The following SAMD4B variants were observed in gnomAD, a reference collection of about 807,000 sequenced individuals.
SAMD4B encodes the protein protein Smaug homolog 2.
In SAMD4B, 5 loss-of-function variants were observed where a neutral mutation model predicts 74.5. The observed-to-expected ratio is 0.07, with a 90% CI of 0.04 to 0.14. The LOEUF is 0.14. Among genes scored for constraint, SAMD4B ranks in the 10% least tolerant of loss-of-function variants. SAMD4B has a pLI of 1.00. For missense variants in SAMD4B, 608 were observed against 921.8 expected (o/e 0.66, Z 4.41); for synonymous variants, 373 against 374.9 (o/e 1.00, Z 0.06).
In SAMD4B at chr19:39,356,971, C is replaced by G. The variant is rs1236480620; in HGVS notation, c.78C>G (p.Leu26=). The G allele has an allele frequency of 1.9e-6, 3 of 1,613,912 alleles. No individual in the cohort carries two copies. The highest frequency in any genetic ancestry group is 2.5e-6 in the Non-Finnish European group (3 of 1,179,980). ...GWNECEQTVA[L]LSLLKRVTRT... Reference sequence around the variant, plus strand: ...ATGAGTGTGAGCAGACAGTGGCCCTCCTGTCACTTCTGAAACGGGTCACCC... The same window carrying G: ...ATGAGTGTGAGCAGACAGTGGCCCTGCTGTCACTTCTGAAACGGGTCACCC... The change falls in exon 3 of 14, where the codon CTC becomes CTG. Residue 26 remains leucine (L), a synonymous_variant. Transcript: ENST00000610417.
intron 4 of SAMD4B, among the ~76,000 whole-genome samples, chr19:39,372,212 T>C (rs2077348589): frequency 6.6e-6 from 1 of 152,102 alleles, no homozygotes. Flanking sequence ...GAGGGGACAG[T>C]ATACAGACAG....
intron 2 of SAMD4B, among the ~76,000 whole-genome samples, chr19:39,356,431 C>G (rs1395051693): frequency 6.6e-6 from 1 of 152,168 alleles, no homozygotes; most frequent in Non-Finnish European, 1.5e-5. Context: ...GACACTATGA[C>G]AGCCAGGTGT....
downstream of SAMD4B, chr19:39,386,508 G>A: frequency 6.2e-7 from 1 of 1,614,088 alleles, no homozygotes. This position sits in a 1 kb window ranked among gnomAD's most constrained non-coding sequence, Gnocchi z 6.1. Context: ...TTTCTCTTCT[G>A]TCTCCATCTC....
downstream of SAMD4B, chr19:39,388,497 T>G: frequency 6.2e-7 from 1 of 1,614,106 alleles, no homozygotes; most frequent in Non-Finnish European, 8.5e-7. Flanking sequence ...TTCAGCCCCA[T>G]TTCTTCCCTA....
chr19:39,365,075 T>C (rs2076874764), intron 3 of SAMD4B, among the ~76,000 whole-genome samples: 1 of 148,936 alleles, frequency 6.7e-6, no homozygotes, highest in South Asian at 2.1e-4. Flanking sequence ...CCATCTCTAC[T>C]AAAAATACAA....
At chr19:39,382,929 A>C (rs186079575) in intron 12 of SAMD4B, among the ~76,000 whole-genome samples, 1 of 151,624 alleles carries the variant, frequency 6.6e-6, no homozygotes, top group Non-Finnish European at 1.5e-5. Flanking sequence ...CAGAGTAGTC[A>C]CAGCAGGCTG....
intron 3 of SAMD4B, among the ~76,000 whole-genome samples, chr19:39,367,490 GT>G (rs370783409): frequency 3.7e-4 from 53 of 141,416 alleles, no homozygotes; most frequent in South Asian, 6.7e-4. Flanking sequence ...TGCTAATGAG[GT>G]TTTTTTTTTC....
In SAMD4B at chr19:39,342,452, C is replaced by CGGCGGCGGCGGCGGT. The variant is rs1224485261; in HGVS notation, c.-388_-374dup. On this transcript the variant is annotated 5_prime_UTR_variant, in exon 1 of 14. Transcript: ENST00000610417. ...CGGTGACGCAGCGCGACGGCGGCGGCGGCGGCGGCGGCGGTGGTCGGTGCG... is the reference window on the plus strand; with the variant it reads ...CGGTGACGCAGCGCGACGGCGGCGGCGGCGGCGGCGGCGGTGGCGGCGGCGGCGGTGGTCGGTGCG... The CGGCGGCGGCGGCGGT allele has an allele frequency of 2.8e-5, 5 of 180,278 alleles. No homozygotes were observed. The highest frequency in any genetic ancestry group is 5.5e-5 in the Non-Finnish European group (5 of 90,560). The allele number at this position is 180,278 out of a possible 1,614,324, so 11.2% of individuals were successfully genotyped here.
chr19:39,342,799 C>T (rs965595172), intron 1 of SAMD4B, among the ~76,000 whole-genome samples: 4 of 151,798 alleles, frequency 2.6e-5, no homozygotes, highest in Admixed American at 6.6e-5. Flanking sequence ...GCCGAAGCTT[C>T]CCTCCGAAAT....
rs1600530181 is a variant in SAMD4B, at chr19:39,356,827, C to T, written c.-67C>T. ...GGGAAAGGTAACAGGAGGCCAGAGC[C>T]GGGACCATGTGACGGCGCTGGCCCT... On this transcript the variant is annotated 5_prime_UTR_variant, in exon 3 of 14. Coordinates refer to ENST00000610417, the MANE Select transcript of SAMD4B (RefSeq NM_001384574.2). 1.2e-5 allele frequency: 17 copies of T among 1,388,454 alleles called. No individual in the cohort carries two copies. Among genetic ancestry groups the T allele is most frequent in the East Asian group, 9.6e-5 (4 of 41,568 alleles). The allele number at this position is 1,388,454 out of a possible 1,614,324, so 86.0% of individuals were successfully genotyped here.
At chr19:39,342,762 C>T (rs1347229953) in intron 1 of SAMD4B, among the ~76,000 whole-genome samples, 186 bp downstream of exon 1, 1 of 151,492 alleles carries the variant, frequency 6.6e-6, no homozygotes, top group East Asian at 1.9e-4. Context: ...GCCCCGCGCC[C>T]GTCCCCAGTC....
In SAMD4B at chr19:39,365,554, C is replaced by CA. The variant is rs148122306; in HGVS notation, c.197-4089dup. ...TGAACAACAGAGCAAGCCTCCATGTCAAAAAAAAAAAATGGAGGCACACAG... is the reference window on the plus strand; with the variant it reads ...TGAACAACAGAGCAAGCCTCCATGTCAAAAAAAAAAAAATGGAGGCACACAG... On this transcript the variant is annotated intron_variant, in intron 3 of 13. Transcript: ENST00000610417. Among the ~76,000 whole-genome samples the CA allele has an allele frequency of 3.7e-3, 526 of 141,630 alleles. 5 individuals carry two copies. The highest frequency in any genetic ancestry group is 3.5e-3 in the Middle Eastern group (1 of 282). 92.9% of individuals were successfully genotyped at this position (141,630 alleles called of 152,430 possible).
intron 3 of SAMD4B, among the ~76,000 whole-genome samples, chr19:39,364,196 AGAAG>A (rs2076818178): frequency 1.3e-5 from 2 of 152,208 alleles, no homozygotes; most frequent in African/African-American, 2.4e-5. Context: ...GCAGTACCAG[AGAAG>A]CTGTGTCCCT....
chr19:39,354,766 C>G (rs1412803086), intron 2 of SAMD4B, among the ~76,000 whole-genome samples: 1 of 152,198 alleles, frequency 6.6e-6, no homozygotes, highest in Non-Finnish European at 1.5e-5. Flanking sequence ...TAGGGGAAGA[C>G]AGTTCCACTG....
chr19:39,379,054 CTCTTT>C (rs2077783846), intron 9 of SAMD4B, among the ~76,000 whole-genome samples: 2 of 146,304 alleles, frequency 1.4e-5, no homozygotes, highest in East Asian at 4.0e-4. Flanking sequence ...CTCTCTCTCT[CTCTTT>C]TTTTTTTTTT....
chr19:39,347,704 T>G (rs2075785013), intron 1 of SAMD4B, among the ~76,000 whole-genome samples: 1 of 152,198 alleles, frequency 6.6e-6, no homozygotes, highest in African/African-American at 2.4e-5. Flanking sequence ...TTAAGTAGGA[T>G]TGCTGTGAGT....
chr19:39,376,566 C>G lies in SAMD4B; in HGVS notation c.1017+20C>G. On this transcript the variant is annotated intron_variant, in intron 6 of 13. Transcript: ENST00000610417. ...TCTCAGGTGAAGCCAAGGGGACCAT[C>G]AGGGAGGTGCTGGGGGCAGCGCTAG... 1 of 1,603,794 alleles carries G rather than the reference C, an allele frequency of 6.2e-7. No homozygotes were observed. Among genetic ancestry groups the G allele is most frequent in the Non-Finnish European group, 8.5e-7 (1 of 1,171,502 alleles).
At chr19:39,373,792 G>A (rs562712412) in intron 4 of SAMD4B, among the ~76,000 whole-genome samples, 19 of 150,482 alleles carry the variant, frequency 1.3e-4, no homozygotes, top group African/African-American at 3.7e-4. Context: ...AGAAACCCCC[G>A]TCTCTACTAA....
Position 39,356,371 on chromosome 19 carries a change from C to G in SAMD4B, c.-205-318C>G, listed in dbSNP as rs562331788. 7.9e-5 allele frequency among the ~76,000 whole-genome samples: 12 copies of G among 152,284 alleles called. No homozygotes were observed. In the South Asian group the frequency reaches 2.3e-3, roughly 29 times the overall value. On this transcript the variant is annotated intron_variant, in intron 2 of 13. Coordinates refer to ENST00000610417, the MANE Select transcript of SAMD4B (RefSeq NM_001384574.2). ...ATAATTTGCAGCCTACTATTTCCCA[C>G]TTCTGAAAAATTTTTCCAATATATT...
Sources: gnomAD v4.1 joint callset for allele counts (sites outside exome capture counted in the v4.1 genomes callset) on GRCh38, gnomAD v4.1.1 for gene constraint, Gnocchi (gnomAD v3.1) non-coding constraint, MANE v1.5 for transcripts, NCBI Gene and HGNC (gene_info 2026-07-23, HGNC 2026-07-21) for gene names.